Variants in ZNF532 observed in about 807,000 individuals in gnomAD.
ZNF532 encodes zinc finger protein 532.
In ZNF532, 22 loss-of-function variants were observed where a neutral mutation model predicts 89.3. The ratio of observed to expected loss-of-function variants is 0.25; its 90% CI spans 0.18 to 0.35. ZNF532 has a LOEUF of 0.35. Ranked by LOEUF, ZNF532 falls within the 10% of genes least tolerant of loss-of-function variation. ZNF532 has a pLI of 1.00. For missense variants in ZNF532, 1,132 were observed against 1,643.4 expected (o/e 0.69, Z 5.38); for synonymous variants, 606 against 649.6 (o/e 0.93, Z 1.02).
At chr18:58,972,087 C>G (rs2066525705) in intron 7 of ZNF532, among the ~76,000 whole-genome samples, 1 of 152,114 alleles carries the variant, frequency 6.6e-6, no homozygotes, top group African/African-American at 2.4e-5. Context: ...ACCTGCAGTC[C>G]CAGCTACTTG....
At chr18:58,936,598 G>A (rs193160783) in intron 4 of ZNF532, among the ~76,000 whole-genome samples, 4 of 152,170 alleles carry the variant, frequency 2.6e-5, no homozygotes, top group Admixed American at 2.0e-4. Context: ...GTTCAAATTC[G>A]GTATTTCAAA....
intron 2 of ZNF532, among the ~76,000 whole-genome samples, chr18:58,874,607 C>T (rs535388659): frequency 4.5e-4 from 68 of 152,290 alleles, no homozygotes; most frequent in Non-Finnish European, 7.9e-4. Context: ...TCCTACAGTG[C>T]TGGGATTACA....
rs1326235965 is a variant in ZNF532, at chr18:58,981,394, A to AC, written c.3264-74dup. The AC allele has an allele frequency of 3.9e-5, 60 of 1,546,038 alleles. No individual in the cohort carries two copies. The Middle Eastern group carries it at 7.3e-4, about 19-fold the overall frequency. On this transcript the variant is annotated intron_variant, in intron 8 of 9. Transcript: ENST00000591808. ...CTGTGTGAACTGACGGCTAAGGAGG[A>AC]CCTTCGACCGTGAGTTCTTCCACAG... is the stretch of plus-strand genomic sequence containing the variant.
chr18:58,971,757 G>A (rs1405463560), intron 7 of ZNF532, among the ~76,000 whole-genome samples: 4 of 152,126 alleles, frequency 2.6e-5, no homozygotes, highest in African/African-American at 7.2e-5. Flanking sequence ...CCTTTATATT[G>A]GAAAGACTGC....
chr18:58,905,141 C>T (rs1448314636), intron 2 of ZNF532, among the ~76,000 whole-genome samples: 1 of 152,070 alleles, frequency 6.6e-6, no homozygotes, highest in Admixed American at 6.6e-5. Context: ...CAAACCCGGC[C>T]TGAAAATTGT....
intron 2 of ZNF532, among the ~76,000 whole-genome samples, chr18:58,897,405 C>T (rs1035925533): frequency 2.6e-5 from 4 of 152,120 alleles, no homozygotes; most frequent in African/African-American, 9.7e-5. Flanking sequence ...CACATATACA[C>T]GAAACCTGAT....
At chr18:58,886,524 A>C (rs556820137) in intron 2 of ZNF532, among the ~76,000 whole-genome samples, 1 of 152,306 alleles carries the variant, frequency 6.6e-6, no homozygotes, top group South Asian at 2.1e-4. Flanking sequence ...TGCACTTAAC[A>C]CTGTTGAACT....
At chr18:58,889,574 C>T (rs999601240) in intron 2 of ZNF532, among the ~76,000 whole-genome samples, 2 of 146,394 alleles carry the variant, frequency 1.4e-5, no homozygotes, top group African/African-American at 2.5e-5. Context: ...CTGAGACAGG[C>T]GGATCACTTG....
chr18:58,973,665 A>G (rs1156641758), intron 7 of ZNF532, among the ~76,000 whole-genome samples: 2 of 152,210 alleles, frequency 1.3e-5, no homozygotes, highest in Non-Finnish European at 2.9e-5. Context: ...GAGAAATCAT[A>G]TGCACAGATG....
At position 58,920,032 on chromosome 18, in the gene ZNF532, A is replaced by C. The variant is rs1427056093; in HGVS notation, c.1745A>C (p.Glu582Ala). Residue 582 changes from glutamate (E) to alanine (A), a missense_variant, in exon 3 of 10, where the codon GAA becomes GCA. Glu to Ala is a moderately radical substitution (Grantham distance 107). This residue lies in a region of ZNF532 where 97 missense variants were observed against 143.7 expected (regional missense o/e 0.68). Transcript: ENST00000591808. The part of the protein sequence containing the change: ...VVSSLQSSVV[E>A]AFNKVLSSVN... ...TCGTCCTTGCAGAGTTCTGTGGTGG[A>C]AGCTTTCAACAAGGTGCTGAGCAGT... 1.2e-6 allele frequency: 2 copies of C among 1,613,856 alleles called. No homozygotes were observed. The highest frequency in any genetic ancestry group is 1.7e-6 in the Non-Finnish European group (2 of 1,179,824).
At chr18:58,875,507 A>G (rs1475846566) in intron 2 of ZNF532, among the ~76,000 whole-genome samples, 6 of 152,194 alleles carry the variant, frequency 3.9e-5, no homozygotes, top group Non-Finnish European at 7.3e-5. Context: ...GTTAACAAAG[A>G]TAGTGCTAGT....
chr18:58,893,322 A>G (rs979275168), intron 2 of ZNF532, among the ~76,000 whole-genome samples: 3 of 152,204 alleles, frequency 2.0e-5, no homozygotes, highest in Non-Finnish European at 2.9e-5. Flanking sequence ...TTAGAAATCA[A>G]TGAATCTCTT....
At chr18:58,950,015 A>C (rs2064010427) in intron 6 of ZNF532, among the ~76,000 whole-genome samples, 1 of 152,266 alleles carries the variant, frequency 6.6e-6, no homozygotes, top group Non-Finnish European at 1.5e-5. Context: ...TTGACAATAA[A>C]TATCTATTTA....
chr18:58,971,514 G>T (rs778821757), intron 7 of ZNF532, among the ~76,000 whole-genome samples: 11 of 152,148 alleles, frequency 7.2e-5, no homozygotes, highest in Non-Finnish European at 1.3e-4. Flanking sequence ...GTCTATTCTT[G>T]GTTTTAAGGT....
chr18:58,974,693 C>T (rs903124738), intron 7 of ZNF532, among the ~76,000 whole-genome samples: 2 of 152,170 alleles, frequency 1.3e-5, no homozygotes, highest in African/African-American at 4.8e-5. Context: ...TCCGATTTCA[C>T]CAGGGCCTCC....
chr18:58,888,787 A>AAATTAT (rs1555709296), intron 2 of ZNF532, among the ~76,000 whole-genome samples: 2 of 8,162 alleles, frequency 2.5e-4, no homozygotes, highest in African/African-American at 7.3e-4. Flanking sequence ...ATATATATAA[A>AAATTAT]ATATATATAA....
intron 9 of ZNF532, among the ~76,000 whole-genome samples, chr18:58,983,099 G>A (rs1243381742): frequency 6.6e-6 from 1 of 152,136 alleles, no homozygotes; most frequent in Non-Finnish European, 1.5e-5. Flanking sequence ...GCAATAGCGC[G>A]AGACTCCGTC....
intron 7 of ZNF532, among the ~76,000 whole-genome samples, chr18:58,968,304 A>G (rs544515210): frequency 3.3e-5 from 5 of 152,320 alleles, no homozygotes; most frequent in African/African-American, 9.6e-5. Flanking sequence ...GGCCAAAAAT[A>G]TTTCAGATTA....
At chr18:58,895,917 C>T (rs545230263) in intron 2 of ZNF532, among the ~76,000 whole-genome samples, 1 of 150,900 alleles carries the variant, frequency 6.6e-6, no homozygotes, top group African/African-American at 2.4e-5. Flanking sequence ...GTGGCATGAT[C>T]ATAGCTCACT....
Sources: gnomAD v4.1 joint callset for allele counts (sites outside exome capture counted in the v4.1 genomes callset) on GRCh38, gnomAD v4.1.1 for gene constraint, gnomAD v4.1.1 regional missense constraint, MANE v1.5 for transcripts, NCBI Gene and HGNC (gene_info 2026-07-23, HGNC 2026-07-21) for gene names.